Variants in C8orf34 observed in about 807,000 individuals in gnomAD.
C8orf34 encodes the protein chromosome 8 open reading frame 34, also known as uncharacterized protein C8orf34.
Under a neutral mutation model 68.3 loss-of-function variants are expected in C8orf34, and 65 were observed. That is an observed-to-expected ratio of 0.95 (90% CI 0.78 to 1.17). The LOEUF (loss-of-function observed/expected upper bound fraction) is 1.17, where lower values mean the gene tolerates loss of function less well. Among genes scored for constraint, C8orf34 ranks in the 50% most tolerant of loss-of-function variants. The pLI is 0.00. For missense variants in C8orf34, 664 were observed against 655.4 expected (o/e 1.01, Z -0.14); for synonymous variants, 244 against 241.2 (o/e 1.01, Z -0.11).
chr8:68,638,658 G>C (rs1258032640), intron 7 of C8orf34, among the ~76,000 whole-genome samples: 1 of 151,736 alleles, frequency 6.6e-6, no homozygotes, highest in Non-Finnish European at 1.5e-5. Flanking sequence ...AATTGTACCT[G>C]TATATATATT....
In C8orf34 at chr8:68,476,101, T is replaced by C. The variant is rs73683531; in HGVS notation, c.736+7281T>C. ...AGACTAAGGAGTGATAGAATAACTA[T>C]GCATGAGAGAAAATAGAGATGGATA... On this transcript the variant is annotated intron_variant, in intron 4 of 13. Transcript: ENST00000518698. Among the ~76,000 whole-genome samples the C allele has an allele frequency of 3.9e-3, 592 of 152,364 alleles. 4 individuals are homozygous for C. Among genetic ancestry groups the C allele is most frequent in the African/African-American group, 0.014 (564 of 41,586 alleles).
chr8:68,416,888 T>G (rs151112116), intron 1 of C8orf34, among the ~76,000 whole-genome samples: 1 of 152,266 alleles, frequency 6.6e-6, no homozygotes, highest in Non-Finnish European at 1.5e-5. Context: ...TCACATAAAC[T>G]TCTAAAACAA....
chr8:68,553,218 T>C (rs1816133921), intron 7 of C8orf34, among the ~76,000 whole-genome samples: 1 of 151,542 alleles, frequency 6.6e-6, no homozygotes, highest in Admixed American at 6.6e-5. Flanking sequence ...ATCCTGTCTC[T>C]ACTAAAAATA....
chr8:68,764,531 G>A (rs930457543), intron 10 of C8orf34, among the ~76,000 whole-genome samples: 3 of 152,178 alleles, frequency 2.0e-5, no homozygotes, highest in Non-Finnish European at 2.9e-5. Context: ...TGGGCTGGGG[G>A]AGTCTTCCTC....
chr8:68,768,732 A>T (rs1823253842), intron 10 of C8orf34, among the ~76,000 whole-genome samples: 1 of 152,150 alleles, frequency 6.6e-6, no homozygotes, highest in Admixed American at 6.6e-5. Context: ...AGTCATATGA[A>T]ATCCACAATG....
chr8:68,356,843 T>C (rs1390664845), intron 1 of C8orf34, among the ~76,000 whole-genome samples: 1 of 152,130 alleles, frequency 6.6e-6, no homozygotes. Context: ...AAGATTCCTT[T>C]TGAGGTATAG....
chr8:68,427,707 C>A (rs1810288399), intron 1 of C8orf34, among the ~76,000 whole-genome samples: 1 of 151,906 alleles, frequency 6.6e-6, no homozygotes, highest in Non-Finnish European at 1.5e-5. Flanking sequence ...ACTGGGAAAT[C>A]TGAATAAGCT....
chr8:68,816,261 A>G (rs1331295346), intron 13 of C8orf34, among the ~76,000 whole-genome samples: 2 of 151,908 alleles, frequency 1.3e-5, no homozygotes, highest in African/African-American at 4.8e-5. Flanking sequence ...AGGAAAAATA[A>G]TATCTTCTAG....
rs114383855 is a variant in C8orf34, at chr8:68,565,254, C to T, written c.1105+32105C>T. ...AGTCGTGATGTTTTCAGAATTGGAT[C>T]GTTGTTCTCCTGAAGGATGGGCTTT... is the stretch of plus-strand genomic sequence containing the variant. On this transcript the variant is annotated intron_variant, in intron 7 of 13. Coordinates refer to ENST00000518698, the MANE Select transcript of C8orf34 (RefSeq NM_052958.4). Among the ~76,000 whole-genome samples the T allele has an allele frequency of 2.7e-4, 41 of 152,196 alleles. No individual in the cohort carries two copies. The East Asian group carries it at 4.3e-3, about 16-fold the overall frequency.
intron 12 of C8orf34, among the ~76,000 whole-genome samples, chr8:68,796,822 CTTTT>C (rs372049123): frequency 0.19 from 23,666 of 122,492 alleles, 1,961 homozygotes; most frequent in African/African-American, 0.34. Flanking sequence ...TTGAGTTCTT[CTTTT>C]TTTTTTTTTT....
chr8:68,764,754 G>C (rs540207970), intron 10 of C8orf34, among the ~76,000 whole-genome samples: 3 of 152,292 alleles, frequency 2.0e-5, no homozygotes, highest in African/African-American at 7.2e-5. Flanking sequence ...CTGAGATGGA[G>C]ATGAATAGAT....
intron 1 of C8orf34, among the ~76,000 whole-genome samples, chr8:68,333,974 G>A (rs1805741278): frequency 6.6e-6 from 1 of 152,136 alleles, no homozygotes; most frequent in African/African-American, 2.4e-5. Flanking sequence ...ATTGGTATGA[G>A]ATACTTTAAA....
In C8orf34 at chr8:68,625,392, G is replaced by A. The variant is rs1818509067; in HGVS notation, c.1106-14984G>A. The A allele has an allele frequency of 1.5e-5, 7 of 469,332 alleles. No individual in the cohort carries two copies. The South Asian group carries it at 2.5e-4, about 17-fold the overall frequency. The allele number at this position is 469,332 out of a possible 1,614,324, so 29.1% of individuals were successfully genotyped here. ...ATGTATCTAATGTGGGAAGTGAGAT[G>A]AGGTTGTGAGGTGACAGAATGCTGC... On this transcript the variant is annotated intron_variant, in intron 7 of 13. Coordinates refer to ENST00000518698, the MANE Select transcript of C8orf34 (RefSeq NM_052958.4).
chr8:68,564,065 T>C (rs1317280473), intron 7 of C8orf34, among the ~76,000 whole-genome samples: 1 of 152,238 alleles, frequency 6.6e-6, no homozygotes, highest in African/African-American at 2.4e-5. Flanking sequence ...AGAGTCTGCA[T>C]ATCCTTAACT....
rs1460575363 is a variant in C8orf34 at position 68,692,094 on chromosome 8, G to C, written c.1242-16900G>C. ...TTGCAATATGAGAAAGCCCGGGGAT[G>C]ATCCAGGTTTGTTGAAATTAGATCA... On this transcript the variant is annotated intron_variant, in intron 8 of 13. Coordinates refer to ENST00000518698, the MANE Select transcript of C8orf34 (RefSeq NM_052958.4). Among the ~76,000 whole-genome samples, 3 of 152,074 alleles carry C rather than the reference G, an allele frequency of 2.0e-5. No homozygotes were observed. The East Asian group carries it at 5.8e-4, about 30-fold the overall frequency.
chr8:68,709,580 A>G (rs949747518), intron 9 of C8orf34, among the ~76,000 whole-genome samples: 3 of 152,042 alleles, frequency 2.0e-5, no homozygotes, highest in African/African-American at 7.2e-5. Context: ...AATTATGTCA[A>G]TGTCACTTCA....
In C8orf34 at chr8:68,618,253, G is replaced by A. The variant is rs561863755; in HGVS notation, c.1106-22123G>A. Among the ~76,000 whole-genome samples the A allele has an allele frequency of 3.9e-5, 6 of 152,070 alleles. No homozygotes were observed. In the South Asian group the frequency reaches 1.2e-3, roughly 32 times the overall value. On this transcript the variant is annotated intron_variant, in intron 7 of 13. Coordinates refer to ENST00000518698, the MANE Select transcript of C8orf34 (RefSeq NM_052958.4). ...CTTAAGGCCTTTCATTCCATGGTAAGAATAACATTAGTTTATTCTTTAGAT... is the reference window on the plus strand; with the variant it reads ...CTTAAGGCCTTTCATTCCATGGTAAAAATAACATTAGTTTATTCTTTAGAT...
chr8:68,380,366 G>C (rs1271641534), intron 1 of C8orf34, among the ~76,000 whole-genome samples: 1 of 152,202 alleles, frequency 6.6e-6, no homozygotes. Flanking sequence ...TAATTGGAGG[G>C]AATAAAAGAG....
chr8:68,500,348 C>T (rs1021043291), intron 5 of C8orf34, among the ~76,000 whole-genome samples: 1 of 152,052 alleles, frequency 6.6e-6, no homozygotes, highest in Non-Finnish European at 1.5e-5. Context: ...GGTCATAGAT[C>T]AAAGAAAGCC....
Sources: allele counts gnomAD v4.1 joint callset (sites outside exome capture counted in the v4.1 genomes callset), GRCh38; gene constraint gnomAD v4.1.1; transcripts MANE v1.5; gene names NCBI Gene and HGNC (gene_info 2026-07-23, HGNC 2026-07-21).